IKBIP: variants seen among roughly 807,000 people sequenced by gnomAD.
The protein encoded by IKBIP is inhibitor of nuclear factor kappa-B kinase-interacting protein.
IKBIP carries 28 observed loss-of-function variants against 31.0 expected under a neutral mutation model. The ratio of observed to expected loss-of-function variants is 0.90; its 90% CI spans 0.67 to 1.24. The LOEUF is 1.24. IKBIP is among the 50% of genes most tolerant of loss of function. The pLI, the probability that IKBIP is intolerant of heterozygous loss-of-function variation, is 0.00. For missense variants in IKBIP, 453 were observed against 441.9 expected (o/e 1.03, Z -0.23); for synonymous variants, 164 against 160.3 (o/e 1.02, Z -0.17).
exon 3 of IKBIP, chr12:98,613,726 G>A (rs2097604577): frequency 1.2e-6 from 2 of 1,612,602 alleles, no homozygotes; most frequent in Non-Finnish European, 1.7e-6. Flanking sequence ...ATCTCCCAAT[G>A]CGTAGTGTTA....
At chr12:98,643,656 C>T (rs143787749) in intron 1 of IKBIP, among the ~76,000 whole-genome samples, 64 of 152,214 alleles carry the variant, frequency 4.2e-4, no homozygotes, top group African/African-American at 1.5e-3. Flanking sequence ...TTTAAGTGAA[C>T]ACAAGTGCTA....
chr12:98,637,868 A>C (rs2097627225), intron 1 of IKBIP, among the ~76,000 whole-genome samples: 1 of 152,234 alleles, frequency 6.6e-6, no homozygotes, highest in African/African-American at 2.4e-5. Context: ...TCTAGAAGTC[A>C]AGAAAATATG....
chr12:98,624,204 A>C (rs183881821), downstream of IKBIP: 78 of 846,108 alleles, frequency 9.2e-5, no homozygotes, highest in Admixed American at 6.2e-5. Context: ...ATAAGAGATC[A>C]CATTTGCCTT....
At chr12:98,620,204 A>G (rs1456911411), downstream of IKBIP, among the ~76,000 whole-genome samples, 1 of 149,954 alleles carries the variant, frequency 6.7e-6, no homozygotes, top group South Asian at 2.1e-4. Context: ...TACAGGCATG[A>G]GCCACTGCCC....
intron 1 of IKBIP, among the ~76,000 whole-genome samples, chr12:98,638,685 A>G (rs2097627935): frequency 6.6e-6 from 1 of 152,180 alleles, no homozygotes; most frequent in South Asian, 2.1e-4. Flanking sequence ...CCTGGGCTCA[A>G]GTGATTCTCC....
chr12:98,634,485 T>C (rs1288977069), intron 1 of IKBIP, 72 bp from the exon 2 acceptor site: 3 of 757,030 alleles, frequency 4.0e-6, no homozygotes, highest in Non-Finnish European at 4.5e-6. Context: ...AGGAGAATTA[T>C]ACCCACTTCT....
exon 3 of IKBIP, chr12:98,613,775 T>G: frequency 6.2e-7 from 1 of 1,611,318 alleles, no homozygotes; most frequent in Admixed American, 1.7e-5. Flanking sequence ...AAAGTCCTTC[T>G]TTAGATTATA....
intron 2 of IKBIP, among the ~76,000 whole-genome samples, chr12:98,627,226 C>T (rs927104169): frequency 6.6e-6 from 1 of 151,582 alleles, no homozygotes; most frequent in Non-Finnish European, 1.5e-5. Context: ...GCCTCGGCCT[C>T]CCAAAGTACT....
downstream of IKBIP, among the ~76,000 whole-genome samples, chr12:98,620,926 T>C (rs2097609688): frequency 6.6e-6 from 1 of 151,676 alleles, no homozygotes; most frequent in South Asian, 2.1e-4. Context: ...GGATTATTGA[T>C]ATAATTCTCT....
Position 98,614,313 on chromosome 12 carries a change from G to A in IKBIP, c.325C>T (p.Gln109Ter). Reference sequence around the variant, plus strand: ...GCAATTATTTGAAAAGACTTCAATTGTTCCATGATAGCTTCAGATTTCTGC... The same window carrying A: ...GCAATTATTTGAAAAGACTTCAATTATTCCATGATAGCTTCAGATTTCTGC... Residue 109 changes from glutamine (Q) to a stop codon, truncating the protein, a stop_gained, in exon 3 of 3, where the codon CAA becomes TAA. Transcript: ENST00000342502. LOFTEE classifies it high-confidence loss of function. The A allele has an allele frequency of 6.3e-7, 1 of 1,576,048 alleles. No homozygotes were observed.
In IKBIP at chr12:98,644,534, C is replaced by T. The variant is rs542626713; in HGVS notation, c.168G>A (p.Leu56=). 3 of 1,601,942 alleles carry T rather than the reference C, an allele frequency of 1.9e-6. No individual in the cohort carries two copies. Among genetic ancestry groups the T allele is most frequent in the Admixed American group, 1.7e-5 (1 of 58,596 alleles). Residue 56 remains leucine, a synonymous_variant, in exon 1 of 3, where the codon CTG becomes CTA. Coordinates refer to ENST00000299157, the MANE Select transcript of IKBIP (RefSeq NM_153687.4). ...TCGCGTCCACTTACCAGGCCAGGCC[C>T]AGGCACGTCCCCAGCGACAGCAGGC... ...CLSLLSLGTC[L]GLAWFVFQQS...
rs776973655 is a variant in IKBIP at position 98,644,616 on chromosome 12, G to T, written c.86C>A (p.Thr29Asn). 1 of 1,610,362 alleles carries T rather than the reference G, an allele frequency of 6.2e-7. No homozygotes were observed. Among genetic ancestry groups the T allele is most frequent in the African/African-American group, 1.3e-5 (1 of 74,800 alleles). ...EPGKRSEGGK[T>N]PVARSSGGGG... The stretch of plus-strand genomic sequence containing the variant: ...GCCTCCGCTGCTCCGGGCCACGGGG[G>T]TCTTCCCGCCCTCGCTCCGCTTCCC... Residue 29 changes from threonine to asparagine, a missense_variant, in exon 1 of 3, where the codon ACC becomes AAC. Coordinates refer to ENST00000299157, the MANE Select transcript of IKBIP (RefSeq NM_153687.4).
rs35887973 is a variant in IKBIP at position 98,632,620 on chromosome 12, A to ATTT, written c.297+1673_297+1675dup. Among the ~76,000 whole-genome samples the ATTT allele has an allele frequency of 3.3e-4, 30 of 90,856 alleles. 2 individuals are homozygous for ATTT. Among genetic ancestry groups the ATTT allele is most frequent in the Admixed American group, 5.5e-4 (4 of 7,262 alleles). 59.6% of individuals were successfully genotyped at this position (90,856 alleles called of 152,430 possible). ...CCCCAACAGCTACAACCAGATTCCAATTTTTTTTTTTTTTTTTTTGGGACA... is the reference window on the plus strand; with the variant it reads ...CCCCAACAGCTACAACCAGATTCCAATTTTTTTTTTTTTTTTTTTTTTGGGACA... On this transcript the variant is annotated intron_variant, in intron 2 of 2. Coordinates refer to ENST00000299157, the MANE Select transcript of IKBIP (RefSeq NM_153687.4).
chr12:98,638,825 G>A (rs2097628072), intron 1 of IKBIP, among the ~76,000 whole-genome samples: 1 of 151,604 alleles, frequency 6.6e-6, no homozygotes, highest in Admixed American at 6.6e-5. Context: ...AGCTGAAGAG[G>A]AAGAGGTCTA....
chr12:98,632,105 C>T (rs142883114), intron 2 of IKBIP, among the ~76,000 whole-genome samples: 12,522 of 151,998 alleles, frequency 0.082, 630 homozygotes, highest in Non-Finnish European at 0.12. Context: ...CTGCCTGCTT[C>T]GGCCTCCCAG....
intron 2 of IKBIP, among the ~76,000 whole-genome samples, chr12:98,631,778 C>A (rs2097620356): frequency 6.8e-6 from 1 of 147,262 alleles, no homozygotes; most frequent in African/African-American, 2.5e-5. Context: ...TGTACCACCC[C>A]TGACCTCCCC....
chr12:98,643,817 C>CTTTT (rs1163038325), intron 1 of IKBIP, among the ~76,000 whole-genome samples: 3 of 136,930 alleles, frequency 2.2e-5, no homozygotes, highest in Non-Finnish European at 3.1e-5. Context: ...ATATGGTTTT[C>CTTTT]TTTTTTTTTT....
downstream of IKBIP, among the ~76,000 whole-genome samples, chr12:98,619,678 G>A (rs894141599): frequency 2.0e-5 from 3 of 151,868 alleles, no homozygotes; most frequent in East Asian, 3.9e-4. Flanking sequence ...TTTGTGAGGC[G>A]GGGTGGATGG....
In IKBIP at chr12:98,614,312, TGTTCCATGATAGCTTCA is replaced by T; in HGVS notation, c.309_325del (p.Glu104IlefsTer18). ...AGCAATTATTTGAAAAGACTTCAAT[TGTTCCATGATAGCTTCA>T]GATTTCTGCCACTATAAGAAAATAT... On this transcript the variant is annotated frameshift_variant, in exon 3 of 3. Transcript: ENST00000342502. LOFTEE classifies it high-confidence loss of function. 6.3e-7 allele frequency: 1 copy of T among 1,578,116 alleles called. No individual in the cohort carries two copies. The highest frequency in any genetic ancestry group is 8.6e-7 in the Non-Finnish European group (1 of 1,162,352).
Sources: allele counts gnomAD v4.1 joint callset (sites outside exome capture counted in the v4.1 genomes callset), GRCh38; gene constraint gnomAD v4.1.1; transcripts MANE v1.5; gene names NCBI Gene and HGNC (gene_info 2026-07-23, HGNC 2026-07-21).